The following NIPAL4 variants were observed in gnomAD, a reference collection of about 807,000 sequenced individuals.
NIPAL4 encodes the protein magnesium transporter NIPA4.
Under a neutral mutation model 31.6 loss-of-function variants are expected in NIPAL4, and 21 were observed. The ratio of observed to expected loss-of-function variants is 0.67; its 90% CI spans 0.47 to 0.96. NIPAL4 has a LOEUF of 0.96. NIPAL4 is among the 40% of genes least tolerant of loss of function. The pLI is 0.00. For missense variants in NIPAL4, 438 were observed against 508.0 expected (o/e 0.86, Z 1.32); for synonymous variants, 175 against 211.1 (o/e 0.83, Z 1.48).
intron 1 of NIPAL4, among the ~76,000 whole-genome samples, chr5:157,462,211 C>T (rs951959): frequency 0.28 from 42,188 of 152,114 alleles, 6,532 homozygotes; most frequent in East Asian, 0.72. Context: ...AGAGTATGTC[C>T]TATTTTAGGG....
Position 157,467,039 on chromosome 5 carries a change from C to T in NIPAL4, c.278-10C>T, listed in dbSNP as rs1232013551. 2 of 1,607,566 alleles carry T rather than the reference C, an allele frequency of 1.2e-6. No homozygotes were observed. The highest frequency in any genetic ancestry group is 1.7e-6 in the Non-Finnish European group (2 of 1,174,474). On this transcript the variant is annotated splice_polypyrimidine_tract_variant and intron_variant, in intron 2 of 5. Coordinates refer to ENST00000311946, the MANE Select transcript of NIPAL4 (RefSeq NM_001099287.2). ...GTTCCATCCTAACTTTGTGTCCATT[C>T]CCTCCACAGTGGATGGAGGCTTCGG...
At chr5:157,463,047 T>C in intron 1 of NIPAL4, 47 bp from the exon 2 acceptor site, 2 of 1,608,032 alleles carry the variant, frequency 1.2e-6, no homozygotes, top group South Asian at 1.1e-5. Flanking sequence ...TTTAAAAGTG[T>C]GCAATTGTCC....
At chr5:157,468,942 G>A (rs1754353095) in intron 4 of NIPAL4, 130 bp downstream of exon 4, 1 of 629,846 alleles carries the variant, frequency 1.6e-6, no homozygotes, top group Non-Finnish European at 2.8e-6. Flanking sequence ...TCCAGAAAGA[G>A]GCAGTGTGCT....
At chr5:157,472,000 C>A (rs554032504) in intron 5 of NIPAL4, among the ~76,000 whole-genome samples, 183 bp downstream of exon 5, 10 of 152,154 alleles carry the variant, frequency 6.6e-5, no homozygotes, top group Non-Finnish European at 1.0e-4. Flanking sequence ...GGCTTCCTGG[C>A]CTGATATGTA....
chr5:157,460,617 G>A (rs1754071375), intron 1 of NIPAL4: 2 of 524,930 alleles, frequency 3.8e-6, no homozygotes, highest in East Asian at 4.9e-5. Flanking sequence ...TTAGTGGGGG[G>A]CAGGCATTTT....
At position 157,460,274 on chromosome 5, in the gene NIPAL4, G is replaced by T. The variant is rs930834036; in HGVS notation, c.-47G>T. On this transcript the variant is annotated 5_prime_UTR_variant, in exon 1 of 6. Transcript: ENST00000311946. ...CGGCCACCTGCTCCGGAGCTGGGGA[G>T]CCCGGGCGCCGTCCGCCCGCGCGTC... 3 of 1,545,462 alleles carry T rather than the reference G, an allele frequency of 1.9e-6. No homozygotes were observed. Among genetic ancestry groups the T allele is most frequent in the African/African-American group, 1.4e-5 (1 of 72,430 alleles).
In NIPAL4 at chr5:157,460,361, C is replaced by T. The variant is rs1396713553; in HGVS notation, c.37+4C>T. The T allele has an allele frequency of 6.5e-7, 1 of 1,543,938 alleles. No individual in the cohort carries two copies. Among genetic ancestry groups the T allele is most frequent in the Non-Finnish European group, 8.7e-7 (1 of 1,145,306 alleles). On this transcript the variant is annotated splice_donor_region_variant and intron_variant, in intron 1 of 5. Transcript: ENST00000311946. ...AGCAACACCAGCTGCGAGAACGGTGCGTACGGCAGGGCTGGGGACCAGGCG... is the reference window on the plus strand; with the variant it reads ...AGCAACACCAGCTGCGAGAACGGTGTGTACGGCAGGGCTGGGGACCAGGCG...
At chr5:157,463,481 G>T in intron 2 of NIPAL4, 148 bp downstream of exon 2, 7 of 994,706 alleles carry the variant, frequency 7.0e-6, no homozygotes, top group African/African-American at 6.5e-5. Context: ...CAGGGTTAGG[G>T]TTTAGGGTTA....
chr5:157,471,507 G>GT (rs1561831243), intron 4 of NIPAL4, 150 bp from the exon 5 acceptor site: 1 of 625,040 alleles, frequency 1.6e-6, no homozygotes, highest in South Asian at 2.3e-5. Context: ...CCATGGTAAC[G>GT]TAAGTTTTTT....
intron 1 of NIPAL4, chr5:157,460,663 G>C (rs552678160): frequency 8.3e-6 from 5 of 601,050 alleles, no homozygotes; most frequent in Admixed American, 4.3e-5. Context: ...GGTGGGGGCG[G>C]GGGGAGGATT....
At chr5:157,463,377 G>A (rs1754163594) in intron 2 of NIPAL4, 44 bp downstream of exon 2, 1 of 1,554,606 alleles carries the variant, frequency 6.4e-7, no homozygotes, top group Non-Finnish European at 8.7e-7. Context: ...GGGCAGCTGA[G>A]CTCTCACAAG....
intron 2 of NIPAL4, among the ~76,000 whole-genome samples, chr5:157,464,209 G>A (rs1754191144): frequency 6.6e-6 from 1 of 152,110 alleles, no homozygotes; most frequent in Admixed American, 6.5e-5. Flanking sequence ...CCAGGCAGAA[G>A]GAATAACACG....
At position 157,474,649 on chromosome 5, in the gene NIPAL4, T is replaced by C. The variant is rs1293545007; in HGVS notation, c.*1689T>C. On this transcript the variant is annotated 3_prime_UTR_variant, in exon 6 of 6. Coordinates refer to ENST00000311946, the MANE Select transcript of NIPAL4 (RefSeq NM_001099287.2). ...AATGCAACAAGTTGGCTCTTGAGAA[T>C]GGCAGTAAACTGAGGGCCCTAAGAG... 1 of 152,226 alleles carries C rather than the reference T, an allele frequency of 6.6e-6. No homozygotes were observed. Among genetic ancestry groups the C allele is most frequent in the African/African-American group, 2.4e-5 (1 of 41,454 alleles). 9.4% of individuals were successfully genotyped at this position (152,226 alleles called of 1,614,324 possible).
At chr5:157,466,976 C>G in intron 2 of NIPAL4, 73 bp from the exon 3 acceptor site, 1 of 1,150,322 alleles carries the variant, frequency 8.7e-7, no homozygotes, top group Non-Finnish European at 1.3e-6. Context: ...GGGGAGTGAG[C>G]AGAGAGTTAG....
intron 2 of NIPAL4, among the ~76,000 whole-genome samples, chr5:157,465,923 TTTGAGGCTTCA>T (rs2113662525): frequency 6.6e-6 from 1 of 151,698 alleles, no homozygotes; most frequent in South Asian, 2.1e-4. Flanking sequence ...AGCCCAGGAG[TTTGAGGCTTCA>T]TTGAGCTATG....
rs1355247635 is a variant in NIPAL4 at position 157,473,495 on chromosome 5, GC to G, written c.*537del. On this transcript the variant is annotated 3_prime_UTR_variant, in exon 6 of 6. Transcript: ENST00000311946. ...CACAACCAGTGTAAAATATCCTGTTGCCTTTGTCACTTCCTCTTTGGAGGCA... is the reference window on the plus strand; with the variant it reads ...CACAACCAGTGTAAAATATCCTGTTGCTTTGTCACTTCCTCTTTGGAGGCA... 23 of 152,320 alleles carry G rather than the reference GC, an allele frequency of 1.5e-4. No individual in the cohort carries two copies. The highest frequency in any genetic ancestry group is 5.6e-4 in the African/African-American group (23 of 41,428). The allele number at this position is 152,320 out of a possible 1,614,324, so 9.4% of individuals were successfully genotyped here. A position where few individuals can be genotyped will look rare whatever the true frequency, so the allele number is the denominator to read the frequency against.
intron 2 of NIPAL4, among the ~76,000 whole-genome samples, chr5:157,464,427 T>A (rs192930413): frequency 6.6e-6 from 1 of 152,098 alleles, no homozygotes; most frequent in East Asian, 1.9e-4. Flanking sequence ...TTTGAAAAGA[T>A]CCCTGGTTGC....
chr5:157,463,050 A>G (rs775531288), intron 1 of NIPAL4, 44 bp from the exon 2 acceptor site: 5 of 1,609,058 alleles, frequency 3.1e-6, no homozygotes, highest in Non-Finnish European at 4.3e-6. Context: ...AAAAGTGTGC[A>G]ATTGTCCCCA....
At chr5:157,467,418 A>G (rs1406287447) in intron 3 of NIPAL4, 1 of 329,778 alleles carries the variant, frequency 3.0e-6, no homozygotes, top group South Asian at 2.8e-5. Flanking sequence ...TGACTTCTAC[A>G]TGGTAGAAGC....
Sources: allele counts gnomAD v4.1 joint callset (sites outside exome capture counted in the v4.1 genomes callset), GRCh38; gene constraint gnomAD v4.1.1; transcripts MANE v1.5; gene names NCBI Gene and HGNC (gene_info 2026-07-23, HGNC 2026-07-21).